The following CRBN variants were observed in gnomAD, a reference collection of about 807,000 sequenced individuals.
The protein encoded by CRBN is cereblon.
CRBN carries 53 observed loss-of-function variants against 62.2 expected under a neutral mutation model. The observed-to-expected ratio is 0.85, with a 90% CI of 0.68 to 1.07. CRBN has a LOEUF of 1.07. Among genes scored for constraint, CRBN ranks in the 50% least tolerant of loss-of-function variants. The probability of loss-of-function intolerance (pLI) is 0.00; values close to 1 mark genes in which losing one functional copy is unlikely to be tolerated. For missense variants in CRBN, 616 were observed against 531.1 expected, an observed-to-expected ratio of 1.16 and a Z score of -1.57; for synonymous variants, 208 against 176.1, an observed-to-expected ratio of 1.18 and a Z score of -1.43.
rs192011911 is a variant in CRBN at position 3,179,668 on chromosome 3, T to C, written c.20A>G (p.Gln7Arg). 74 of 1,613,136 alleles carry C rather than the reference T, an allele frequency of 4.6e-5. No homozygotes were observed. In the Admixed American group the frequency reaches 8.2e-4, roughly 18 times the overall value. Residue 7 changes from glutamine to arginine, a missense_variant, in exon 1 of 11, where the codon CAG (glutamine) becomes CGG (arginine). Physicochemically the swap from Gln to Arg is conservative, Grantham distance 43. Coordinates refer to ENST00000231948, the MANE Select transcript of CRBN (RefSeq NM_016302.4). ...GCCCATGTTGTGCGCAGCGTCCTGC[T>C]GATCTCCTTCGCCGGCCATGTCTGT... MAGEGD[Q>R]QDAAHNMGNH...
chr3:3,169,436 G>A (rs189022954), intron 4 of CRBN, among the ~76,000 whole-genome samples: 4 of 150,720 alleles, frequency 2.7e-5, no homozygotes, highest in Non-Finnish European at 4.4e-5. Flanking sequence ...ATTAAGTTGA[G>A]ACATAAACTG....
chr3:3,167,847 A>T, intron 4 of CRBN, 54 bp from the exon 5 acceptor site: 1 of 1,545,198 alleles, frequency 6.5e-7, no homozygotes, highest in East Asian at 2.2e-5. Context: ...ACTAACTCAA[A>T]ACTATAAGTT....
chr3:3,167,703 C>G lies in CRBN; in HGVS notation c.618G>C (p.Gln206His). ...TTGAGACAGGTTTTGAAGGAAATAT[C>G]TGGCACTTATTGAGGGATTCTAATT... ...AVQLESLNKCQIFPSKPVSRE... is the reference protein window; with the variant it reads ...AVQLESLNKCHIFPSKPVSRE... The change falls in exon 5 of 11, where the codon CAG (glutamine) becomes CAC (histidine). Residue 206 changes from glutamine (Q) to histidine (H), a missense_variant. Coordinates refer to ENST00000231948, the MANE Select transcript of CRBN (RefSeq NM_016302.4). 6.2e-7 allele frequency: 1 copy of G among 1,613,602 alleles called. No homozygotes were observed. The highest frequency in any genetic ancestry group is 8.5e-7 in the Non-Finnish European group (1 of 1,179,642).
intron 5 of CRBN, among the ~76,000 whole-genome samples, chr3:3,161,549 C>A (rs533463156): frequency 6.6e-6 from 1 of 152,042 alleles, no homozygotes; most frequent in African/African-American, 2.4e-5. Context: ...CCACCATGCC[C>A]GGCTAATTTT....
intron 10 of CRBN, 122 bp downstream of exon 10, chr3:3,152,334 T>A (rs537755367): frequency 1.8e-6 from 2 of 1,095,432 alleles, no homozygotes; most frequent in East Asian, 4.8e-5. Flanking sequence ...TGTAGCAAAT[T>A]ACTCATTTGT....
At chr3:3,170,583 G>A (rs1707567489) in intron 4 of CRBN, among the ~76,000 whole-genome samples, 2 of 152,098 alleles carry the variant, frequency 1.3e-5, no homozygotes, top group South Asian at 4.1e-4. Flanking sequence ...AGAAAAAGAC[G>A]AGACTGAACT....
At chr3:3,159,839 G>C (rs150657610) in intron 5 of CRBN, among the ~76,000 whole-genome samples, 38 of 152,276 alleles carry the variant, frequency 2.5e-4, no homozygotes, top group African/African-American at 7.2e-4. Flanking sequence ...GTCCCATTTA[G>C]CTTTCTGGCA....
intron 5 of CRBN, among the ~76,000 whole-genome samples, chr3:3,166,642 C>T (rs1707362419): frequency 6.6e-6 from 1 of 152,102 alleles, no homozygotes; most frequent in African/African-American, 2.4e-5. Context: ...TGAAACAGAT[C>T]AGTTAACTGA....
At chr3:3,175,119 T>C (rs1420326592) in intron 2 of CRBN, 44 bp downstream of exon 2, 1 of 1,254,200 alleles carries the variant, frequency 8.0e-7, no homozygotes, top group Non-Finnish European at 1.2e-6. Context: ...TATCTACATT[T>C]AAATGTATAT....
At chr3:3,154,603 G>T in intron 7 of CRBN, 144 bp downstream of exon 7, 1 of 645,194 alleles carries the variant, frequency 1.5e-6, no homozygotes, top group Non-Finnish European at 2.8e-6. Flanking sequence ...TTTTTCAACT[G>T]CTCAAAGGAA....
chr3:3,170,858 T>A (rs1258116763), intron 4 of CRBN, among the ~76,000 whole-genome samples: 1 of 152,134 alleles, frequency 6.6e-6, no homozygotes, highest in Non-Finnish European at 1.5e-5. Flanking sequence ...CAGGCTGGAG[T>A]GCAGTGGTGC....
At chr3:3,154,293 T>C in intron 7 of CRBN, 1 of 549,844 alleles carries the variant, frequency 1.8e-6, no homozygotes, top group Admixed American at 3.1e-5. Flanking sequence ...GTAAAATCCT[T>C]TTATGTTAAA....
Position 3,157,649 on chromosome 3 carries a change from A to G in CRBN, c.688-1368T>C, listed in dbSNP as rs557482486. On this transcript the variant is annotated intron_variant, in intron 5 of 10. Transcript: ENST00000231948. Reference sequence around the variant, plus strand: ...CAGGAAACGTGGGAACACAGCACACATAAAAGGGACTCGGGACTGAGCTGA... The same window carrying G: ...CAGGAAACGTGGGAACACAGCACACGTAAAAGGGACTCGGGACTGAGCTGA... 2.0e-5 allele frequency among the ~76,000 whole-genome samples: 3 copies of G among 152,296 alleles called. No homozygotes were observed. The South Asian group carries it at 6.2e-4, about 32-fold the overall frequency.
At chr3:3,154,331 A>G in intron 7 of CRBN, 1 of 503,822 alleles carries the variant, frequency 2.0e-6, no homozygotes, top group Non-Finnish European at 3.6e-6. Flanking sequence ...GTTAGAAGTT[A>G]TTTGCCAAGA....
At chr3:3,174,017 A>T in intron 3 of CRBN, 42 bp downstream of exon 3, 1 of 1,516,530 alleles carries the variant, frequency 6.6e-7, no homozygotes, top group Non-Finnish European at 9.2e-7. Flanking sequence ...GCAATTACCC[A>T]TGAGAGGGAA....
chr3:3,167,335 C>CGGAT (rs1707390512), intron 5 of CRBN: 2 of 274,188 alleles, frequency 7.3e-6, no homozygotes, highest in South Asian at 4.2e-5. Context: ...AGCCGAACAT[C>CGGAT]TAATTTGATC....
intron 5 of CRBN, among the ~76,000 whole-genome samples, chr3:3,159,892 A>G (rs1024337149): frequency 6.6e-5 from 10 of 152,232 alleles, no homozygotes; most frequent in Non-Finnish European, 1.3e-4. Flanking sequence ...AAAATGGATG[A>G]TAAGTTCTAG....
intron 6 of CRBN, 79 bp from the exon 7 acceptor site, chr3:3,154,910 C>CTTTT: frequency 1.2e-6 from 1 of 821,102 alleles, no homozygotes; most frequent in Non-Finnish European, 2.1e-6. Context: ...ACTCTTAAAA[C>CTTTT]TAACACTGGT....
At chr3:3,156,534 T>A (rs532708459) in intron 5 of CRBN, 226 of 502,482 alleles carry the variant, frequency 4.5e-4, no homozygotes, top group Admixed American at 6.0e-4. Flanking sequence ...ATTTCAATGC[T>A]GAAGACAACT....
Sources: allele counts gnomAD v4.1 joint callset (sites outside exome capture counted in the v4.1 genomes callset), GRCh38; gene constraint gnomAD v4.1.1; transcripts MANE v1.5; gene names NCBI Gene and HGNC (gene_info 2026-07-23, HGNC 2026-07-21).